Variants in ESR1 observed in about 807,000 individuals in gnomAD.
ESR1 encodes the protein estrogen receptor.
In ESR1, 12 loss-of-function variants were observed where a neutral mutation model predicts 52.7. The ratio of observed to expected loss-of-function variants is 0.23; its 90% CI spans 0.15 to 0.37. The LOEUF is 0.37. Ranked by LOEUF, ESR1 falls within the 10% of genes least tolerant of loss-of-function variation. The probability of loss-of-function intolerance (pLI) is 1.00; values close to 1 mark genes in which losing one functional copy is unlikely to be tolerated. For missense variants in ESR1, 584 were observed against 779.7 expected, an observed-to-expected ratio of 0.75 and a Z score of 2.99; for synonymous variants, 305 against 316.8, an observed-to-expected ratio of 0.96 and a Z score of 0.39.
intron 2 of ESR1, among the ~76,000 whole-genome samples, chr6:151,794,775 A>T (rs1776525679): frequency 6.6e-6 from 1 of 152,126 alleles, no homozygotes; most frequent in South Asian, 2.1e-4. Flanking sequence ...AACGTTCTCC[A>T]CACCTAAGGT....
intron 2 of ESR1, among the ~76,000 whole-genome samples, chr6:151,776,101 G>T (rs1454554443): frequency 6.6e-6 from 1 of 152,184 alleles, no homozygotes; most frequent in South Asian, 2.1e-4. Context: ...TTGGAGGCAG[G>T]AAGAGCAGGT....
At chr6:151,771,291 G>T (rs943740890) in intron 2 of ESR1, among the ~76,000 whole-genome samples, 5 of 152,180 alleles carry the variant, frequency 3.3e-5, no homozygotes, top group Non-Finnish European at 7.3e-5. Flanking sequence ...GTAATTGAAA[G>T]CGTTTATCCT....
At chr6:151,954,091 A>C (rs2036636910) in intron 4 of ESR1, among the ~76,000 whole-genome samples, 3 of 152,154 alleles carry the variant, frequency 2.0e-5, no homozygotes, top group Admixed American at 2.0e-4. Flanking sequence ...GCGCCTGTAC[A>C]TTGAAATAGA....
intron 3 of ESR1, among the ~76,000 whole-genome samples, chr6:151,891,368 T>G (rs1339182083): frequency 1.3e-5 from 2 of 152,198 alleles, no homozygotes; most frequent in African/African-American, 4.8e-5. Flanking sequence ...ATTCTTGATA[T>G]GATGTAAGGA....
Position 151,808,068 on chromosome 6 carries a change from C to T in ESR1, c.156C>T (p.Tyr52=), listed in dbSNP as rs993978214. The T allele has an allele frequency of 2.8e-5, 45 of 1,613,442 alleles. No homozygotes were observed. Among genetic ancestry groups the T allele is most frequent in the Non-Finnish European group, 3.7e-5 (44 of 1,179,892 alleles). ...TGGACAGCAGCAAGCCCGCCGTGTACAACTACCCCGAGGGCGCCGCCTACG... is the reference window on the plus strand; with the variant it reads ...TGGACAGCAGCAAGCCCGCCGTGTATAACTACCCCGAGGGCGCCGCCTACG... ...VYLDSSKPAV[Y]NYPEGAAYEF... The change falls in exon 1 of 8, where the codon TAC becomes TAT. Residue 52 remains tyrosine (Y), a synonymous_variant. Coordinates refer to ENST00000206249, the MANE Select transcript of ESR1 (RefSeq NM_000125.4).
chr6:151,665,986 G>A (rs974057767), intron 1 of ESR1, among the ~76,000 whole-genome samples: 4 of 152,116 alleles, frequency 2.6e-5, no homozygotes, highest in Non-Finnish European at 5.9e-5. Context: ...GAATTACATT[G>A]AAAAACTAAG....
chr6:151,970,319 T>C (rs1460205797), intron 4 of ESR1, among the ~76,000 whole-genome samples: 1 of 152,104 alleles, frequency 6.6e-6, no homozygotes, highest in African/African-American at 2.4e-5. Context: ...CTTTCTGTCG[T>C]AGCATACAAG....
chr6:151,777,648 G>A (rs1416444193), intron 2 of ESR1, among the ~76,000 whole-genome samples: 1 of 152,076 alleles, frequency 6.6e-6, no homozygotes. Context: ...TAGGAAGTGG[G>A]TGACCATGGG....
chr6:151,894,074 T>C (rs1795091863), intron 3 of ESR1, among the ~76,000 whole-genome samples: 1 of 152,208 alleles, frequency 6.6e-6, no homozygotes. Context: ...TTTTTGATTT[T>C]TTGAAAATGG....
intron 4 of ESR1, among the ~76,000 whole-genome samples, chr6:151,970,066 G>A (rs118090037): frequency 7.4e-4 from 112 of 151,990 alleles, no homozygotes; most frequent in Non-Finnish European, 1.3e-3. Context: ...TCACCTTCCC[G>A]TTATTTCTTC....
chr6:152,026,543 G>A (rs1249043379), intron 5 of ESR1, among the ~76,000 whole-genome samples: 2 of 151,838 alleles, frequency 1.3e-5, no homozygotes, highest in African/African-American at 4.8e-5. Flanking sequence ...TTTAATAGAT[G>A]AGTTACACAA....
chr6:152,067,598 G>A (rs1026323284), intron 6 of ESR1, among the ~76,000 whole-genome samples: 1 of 152,178 alleles, frequency 6.6e-6, no homozygotes, highest in African/African-American at 2.4e-5. Context: ...GGCTGAGGCA[G>A]GTGCATTGCC....
At chr6:152,110,949 G>T (rs1301607094) in intron 6 of ESR1, among the ~76,000 whole-genome samples, 1 of 152,096 alleles carries the variant, frequency 6.6e-6, no homozygotes, top group Non-Finnish European at 1.5e-5. Flanking sequence ...GGTTTCTGAG[G>T]CCCCTTTCCT....
chr6:151,681,806 G>T (rs1020904502), intron 1 of ESR1, among the ~76,000 whole-genome samples: 2 of 152,088 alleles, frequency 1.3e-5, no homozygotes, highest in South Asian at 2.1e-4. Context: ...TGGGGGAGGC[G>T]GTGCTTTCTG....
rs1388662407 is a variant in ESR1, at chr6:152,100,886, C to T, written c.*1920C>T. The T allele has an allele frequency of 1.3e-5, 3 of 230,468 alleles. No homozygotes were observed. Among genetic ancestry groups the T allele is most frequent in the Non-Finnish European group, 1.7e-5 (2 of 116,332 alleles). 14.3% of individuals were successfully genotyped at this position (230,468 alleles called of 1,614,324 possible). The stretch of plus-strand genomic sequence containing the variant: ...TTTGTTGCTGTTTGTTTAAGAAGCA[C>T]CTTAGTTTGTTTAAGAAGCACCTTA... On this transcript the variant is annotated 3_prime_UTR_variant, in exon 8 of 8. Coordinates refer to ENST00000206249, the MANE Select transcript of ESR1 (RefSeq NM_000125.4).
At position 151,680,540 on chromosome 6, in the gene ESR1, A is replaced by G. The variant is rs563489155; in HGVS notation, n.74-21335A>G. On this transcript the variant is annotated intron_variant and non_coding_transcript_variant, in intron 1 of 2. Transcript: ENST00000473497. The stretch of plus-strand genomic sequence containing the variant: ...CCCTGTGTCCTCATGTAGCAGAAAG[A>G]GATCAAAGAGCTCTTTTGTTTCTTT... Among the ~76,000 whole-genome samples, 5 of 152,176 alleles carry G rather than the reference A, an allele frequency of 3.3e-5. 1 individual carries two copies. The South Asian group carries it at 8.3e-4, about 25-fold the overall frequency.
chr6:152,127,524 C>T (rs982039619), exon 7 of ESR1: 2 of 152,142 alleles, frequency 1.3e-5, no homozygotes, highest in African/African-American at 4.8e-5. Flanking sequence ...CCTTTTCTCT[C>T]GGGAAAACAT....
chr6:152,072,143 C>T (rs1345828380), intron 6 of ESR1, among the ~76,000 whole-genome samples: 2 of 152,232 alleles, frequency 1.3e-5, no homozygotes, highest in South Asian at 4.1e-4. Context: ...CTACATAGAT[C>T]CTATTATAAA....
At chr6:152,041,768 G>A (rs985562476) in intron 5 of ESR1, among the ~76,000 whole-genome samples, 1 of 152,188 alleles carries the variant, frequency 6.6e-6, no homozygotes, top group Non-Finnish European at 1.5e-5. Context: ...ATACCCCTGA[G>A]GTAGGACAGT....
Sources: allele counts gnomAD v4.1 joint callset (sites outside exome capture counted in the v4.1 genomes callset), GRCh38; gene constraint gnomAD v4.1.1; transcripts MANE v1.5; gene names NCBI Gene and HGNC (gene_info 2026-07-23, HGNC 2026-07-21).